DOCK10: variants seen among roughly 807,000 people sequenced by gnomAD.
DOCK10 encodes dedicator of cytokinesis 10.
In DOCK10, 145 loss-of-function variants were observed where a neutral mutation model predicts 280.1. That is an observed-to-expected ratio of 0.52 (90% CI 0.45 to 0.59). The LOEUF (loss-of-function observed/expected upper bound fraction) is 0.59. Among genes scored for constraint, DOCK10 ranks in the 20% least tolerant of loss-of-function variants. DOCK10 has a pLI of 0.00. For synonymous variants in DOCK10, 915 were observed against 942.2 expected, an observed-to-expected ratio of 0.97 and a Z score of 0.53; for missense variants, 2,368 against 2,651.7, an observed-to-expected ratio of 0.89 and a Z score of 2.35.
chr2:224,999,099 A>G (rs946868043), intron 1 of DOCK10, among the ~76,000 whole-genome samples: 23 of 152,298 alleles, frequency 1.5e-4, no homozygotes, highest in Admixed American at 1.2e-3. Context: ...AGGCAGGAGA[A>G]TCTCTTGAAC....
chr2:224,796,846 A>AGGAGGACGCTAGT, intron 43 of DOCK10, 118 bp downstream of exon 43: 1 of 886,018 alleles, frequency 1.1e-6, no homozygotes, highest in Non-Finnish European at 1.8e-6. Flanking sequence ...GGCGTCTTTA[A>AGGAGGACGCTAGT]GGAGGACGCT....
At chr2:224,807,521 C>A in intron 33 of DOCK10, 147 bp downstream of exon 33, 1 of 577,564 alleles carries the variant, frequency 1.7e-6, no homozygotes, top group Non-Finnish European at 3.1e-6. Flanking sequence ...GAACAAATGA[C>A]ACATTGATGT....
chr2:224,844,766 G>C lies in DOCK10; in HGVS notation c.2555C>G (p.Thr852Arg), dbSNP rs1457674728. ...CAACATACTCACCTGAGTATTTACT[G>C]TTGATACAACAAATGTCGACACTTT... is the stretch of plus-strand genomic sequence containing the variant. The part of the protein sequence containing the change: ...LFKVSTFVVS[T>R]VNTQDPHVNA... The change falls in exon 22 of 56, where the codon ACA becomes AGA. Residue 852 changes from threonine (T) to arginine (R), a missense_variant. This residue lies in a region of DOCK10 where 1,209 missense variants were observed against 1,250.9 expected (regional missense o/e 0.97). Transcript: ENST00000258390. 4.4e-6 allele frequency: 7 copies of C among 1,595,424 alleles called. No homozygotes were observed. The highest frequency in any genetic ancestry group is 3.5e-5 in the Admixed American group (2 of 57,880).
At chr2:224,996,463 G>GT (rs1378418292) in intron 1 of DOCK10, among the ~76,000 whole-genome samples, 1 of 152,208 alleles carries the variant, frequency 6.6e-6, no homozygotes, top group East Asian at 1.9e-4. Flanking sequence ...ACTAAGGAGA[G>GT]TAAGTGTAAT....
chr2:225,002,569 T>C (rs1706467524), intron 1 of DOCK10, among the ~76,000 whole-genome samples: 1 of 152,200 alleles, frequency 6.6e-6, no homozygotes, highest in South Asian at 2.1e-4. Context: ...TGTTAACTGA[T>C]GAGAATATTT....
At position 225,036,940 on chromosome 2, in the gene DOCK10, C is replaced by G. The variant is rs556308890; in HGVS notation, c.123+5312G>C. On this transcript the variant is annotated intron_variant, in intron 1 of 55. Coordinates refer to ENST00000258390, the MANE Select transcript of DOCK10 (RefSeq NM_014689.3). ...CTGGCTAATATTACTTTTCACTGCC[C>G]TTACTATATTTTGTTGTTGTCATCT... Among the ~76,000 whole-genome samples, 3 of 151,398 alleles carry G rather than the reference C, an allele frequency of 2.0e-5. 1 individual carries two copies. The highest frequency in any genetic ancestry group is 4.8e-5 in the African/African-American group (2 of 41,300).
At chr2:225,027,574 C>T (rs1689951306) in intron 1 of DOCK10, among the ~76,000 whole-genome samples, 1 of 152,094 alleles carries the variant, frequency 6.6e-6, no homozygotes, top group Admixed American at 6.5e-5. Flanking sequence ...GTGAGTCTCA[C>T]AGGGATATGG....
chr2:225,042,142 A>G lies in DOCK10; in HGVS notation c.123+110T>C. The G allele has an allele frequency of 8.7e-7, 1 of 1,150,654 alleles. No homozygotes were observed. Among genetic ancestry groups the G allele is most frequent in the Non-Finnish European group, 1.1e-6 (1 of 921,002 alleles). 71.3% of individuals were successfully genotyped at this position (1,150,654 alleles called of 1,614,324 possible). On this transcript the variant is annotated intron_variant, in intron 1 of 55. Coordinates refer to ENST00000258390, the MANE Select transcript of DOCK10 (RefSeq NM_014689.3). The surrounding 1 kb of genome is among the most constrained non-coding windows in gnomAD (Gnocchi z 5.1). ...CGGGGGAGGGAGTGCGGAGGAGAGG[A>G]CCCGTGAGCTGCGGGGACCTGGGCC... is the stretch of plus-strand genomic sequence containing the variant.
In DOCK10 at chr2:224,946,937, C is replaced by G. The variant is rs1703454302; in HGVS notation, c.124-15269G>C. On this transcript the variant is annotated intron_variant, in intron 1 of 55. Transcript: ENST00000258390. Reference sequence around the variant, plus strand: ...CACTGGGCTCCCGTTTAAAAACCTTCCCTCGAAAACTCATCGTATTGCTAT... The same window carrying G: ...CACTGGGCTCCCGTTTAAAAACCTTGCCTCGAAAACTCATCGTATTGCTAT... 5 of 1,543,048 alleles carry G rather than the reference C, an allele frequency of 3.2e-6. No homozygotes were observed. In the African/African-American group the frequency reaches 6.9e-5, roughly 21 times the overall value.
chr2:224,937,277 G>A (rs1702743981), intron 1 of DOCK10, among the ~76,000 whole-genome samples: 1 of 152,122 alleles, frequency 6.6e-6, no homozygotes, highest in African/African-American at 2.4e-5. Flanking sequence ...GCTGATATTG[G>A]GATAAATGGG....
chr2:224,903,399 T>A (rs1016827293), intron 3 of DOCK10, among the ~76,000 whole-genome samples: 8 of 152,236 alleles, frequency 5.3e-5, no homozygotes, highest in Admixed American at 3.9e-4. Flanking sequence ...TTTTGTTGCT[T>A]TGAACTACAG....
At chr2:224,946,029 A>C (rs1395103912) in intron 1 of DOCK10, among the ~76,000 whole-genome samples, 1 of 152,204 alleles carries the variant, frequency 6.6e-6, no homozygotes, top group Non-Finnish European at 1.5e-5. Context: ...ATGTGAAATG[A>C]ACATTCTTCT....
At chr2:224,874,581 A>G in intron 9 of DOCK10, 85 bp downstream of exon 9, 1 of 1,352,414 alleles carries the variant, frequency 7.4e-7, no homozygotes. Flanking sequence ...AAATCTTAAA[A>G]GAAAGCATTT....
intron 2 of DOCK10, among the ~76,000 whole-genome samples, chr2:224,924,434 C>G (rs955625080): frequency 6.6e-6 from 1 of 152,168 alleles, no homozygotes; most frequent in Non-Finnish European, 1.5e-5. Flanking sequence ...TTGAACATTT[C>G]CTATACGTGG....
At chr2:224,777,900 C>T (rs534789529) in intron 51 of DOCK10, among the ~76,000 whole-genome samples, 2 of 152,240 alleles carry the variant, frequency 1.3e-5, no homozygotes, top group South Asian at 4.1e-4. Context: ...TGCAAATAAC[C>T]AATGGAGACG....
rs140301033 is a variant in DOCK10 at position 224,790,143 on chromosome 2, T to G, written c.5312-973A>C. Among the ~76,000 whole-genome samples, 1,155 of 152,322 alleles carry G rather than the reference T, an allele frequency of 7.6e-3. 13 individuals carry two copies. The highest frequency in any genetic ancestry group is 0.027 in the African/African-American group (1,124 of 41,566). ...AACCTTTTCAAATTTTCTTAGTATC[T>G]TAGGCACCAAGATTTTAAAAGGTCT... On this transcript the variant is annotated intron_variant, in intron 47 of 55. Transcript: ENST00000258390.
chr2:224,768,259 G>A (rs532888666), intron 55 of DOCK10, among the ~76,000 whole-genome samples: 5 of 152,034 alleles, frequency 3.3e-5, no homozygotes, highest in Non-Finnish European at 5.9e-5. Flanking sequence ...TTCCTTTGTT[G>A]TAATTTTGTA....
At chr2:224,988,412 T>C (rs2126266257) in intron 1 of DOCK10, among the ~76,000 whole-genome samples, 1 of 152,316 alleles carries the variant, frequency 6.6e-6, no homozygotes, top group Non-Finnish European at 1.5e-5. Flanking sequence ...AGCAAGCCCT[T>C]ATAGCACTCG....
intron 32 of DOCK10, 30 bp downstream of exon 32, chr2:224,807,881 T>C: frequency 6.2e-7 from 1 of 1,600,956 alleles, no homozygotes; most frequent in African/African-American, 1.3e-5. Context: ...TAAATGGTGT[T>C]TAGGGAAGGG....
Sources: gnomAD v4.1 joint callset for allele counts (sites outside exome capture counted in the v4.1 genomes callset) on GRCh38, gnomAD v4.1.1 for gene constraint, gnomAD v4.1.1 regional missense constraint, Gnocchi (gnomAD v3.1) non-coding constraint, MANE v1.5 for transcripts, NCBI Gene and HGNC (gene_info 2026-07-23, HGNC 2026-07-21) for gene names.